The following ATRX variants were observed in gnomAD, a reference collection of about 807,000 sequenced individuals.
ATRX encodes chromatin remodeler ATRX.
Under a neutral mutation model 172.6 loss-of-function variants are expected in ATRX, and 12 were observed. The ratio of observed to expected loss-of-function variants is 0.07; its 90% CI spans 0.04 to 0.11. The LOEUF is 0.11. ATRX is among the 10% of genes least tolerant of loss of function. ATRX has a pLI of 1.00. For synonymous variants in ATRX, 674 were observed against 594.7 expected, an observed-to-expected ratio of 1.13 and a Z score of -1.94; for missense variants, 1,368 against 1,767.4, an observed-to-expected ratio of 0.77 and a Z score of 4.05.
intron 6 of ATRX, among the ~76,000 whole-genome samples, chrX:77,692,008 T>A (rs782306310): frequency 8.9e-6 from 1 of 111,856 alleles, no homozygotes; most frequent in Non-Finnish European, 1.9e-5. Context: ...CTGAAACTTA[T>A]CAGCTGAGAC....
intron 15 of ATRX, among the ~76,000 whole-genome samples, chrX:77,645,701 ACTTT>A (rs1471484319): frequency 8.9e-5 from 10 of 112,354 alleles, no homozygotes; most frequent in Non-Finnish European, 1.7e-4. Context: ...CTCACTTTTT[ACTTT>A]CTTTAGGATT....
chrX:77,593,240 A>G (rs1194086792), intron 26 of ATRX, among the ~76,000 whole-genome samples: 1 of 109,265 alleles, frequency 9.2e-6, no homozygotes, highest in Non-Finnish European at 1.9e-5. Flanking sequence ...AAAAAAAAAA[A>G]AAAAAGAAGA....
intron 1 of ATRX, among the ~76,000 whole-genome samples, chrX:77,783,067 C>G (rs1025346738): frequency 9.0e-6 from 1 of 110,816 alleles, no homozygotes; most frequent in African/African-American, 3.3e-5. Flanking sequence ...AACTCCCTCT[C>G]TACTAAAAAT....
intron 1 of ATRX, among the ~76,000 whole-genome samples, chrX:77,784,656 A>G (rs1224261173): frequency 9.0e-6 from 1 of 110,768 alleles, no homozygotes; most frequent in Non-Finnish European, 1.9e-5. Context: ...TCAGAAACCA[A>G]GGCCACAATC....
intron 30 of ATRX, among the ~76,000 whole-genome samples, chrX:77,545,494 G>T (rs1279162196): frequency 1.8e-5 from 2 of 111,001 alleles, no homozygotes; most frequent in Non-Finnish European, 3.8e-5. Flanking sequence ...ACAAATTTAA[G>T]AGTCTAAATG....
At chrX:77,635,182 G>C (rs1414652117) in intron 16 of ATRX, among the ~76,000 whole-genome samples, 1 of 111,238 alleles carries the variant, frequency 9.0e-6, no homozygotes, top group Non-Finnish European at 1.9e-5. Context: ...ATACTCAGGA[G>C]GCTGAGTTGG....
intron 1 of ATRX, among the ~76,000 whole-genome samples, chrX:77,738,237 A>G (rs1557180090): frequency 9.4e-6 from 1 of 106,733 alleles, no homozygotes. Flanking sequence ...CAGGAGGCTG[A>G]GGTGGGAAGA....
intron 4 of ATRX, 146 bp downstream of exon 4, chrX:77,697,437 T>C (rs1300012675): frequency 2.0e-6 from 1 of 489,813 alleles, no homozygotes; most frequent in Non-Finnish European, 3.4e-6. Flanking sequence ...CATTATATTA[T>C]GCTAATCATT....
At chrX:77,766,600 C>T (rs1251084578) in intron 1 of ATRX, among the ~76,000 whole-genome samples, 3 of 104,344 alleles carry the variant, frequency 2.9e-5, no homozygotes, top group Admixed American at 2.0e-4. Context: ...GGGGCAGAGG[C>T]GCTCCCCACA....
chrX:77,725,954 A>T (rs782708787), intron 1 of ATRX, among the ~76,000 whole-genome samples: 141 of 112,213 alleles, frequency 1.3e-3, no homozygotes, highest in African/African-American at 4.4e-3. Flanking sequence ...AATGGCGATC[A>T]TTAAAAAGTC....
intron 22 of ATRX, among the ~76,000 whole-genome samples, chrX:77,615,523 AT>A (rs1557096249): frequency 9.0e-6 from 1 of 111,653 alleles, no homozygotes; most frequent in East Asian, 2.8e-4. Flanking sequence ...TATGCCTGCA[AT>A]TTTTATTATT....
At chrX:77,757,033 G>T (rs547661318) in intron 1 of ATRX, among the ~76,000 whole-genome samples, 2 of 111,153 alleles carry the variant, frequency 1.8e-5, no homozygotes, top group African/African-American at 6.5e-5. Flanking sequence ...TGATCCATCC[G>T]CTTCAACTTC....
At chrX:77,591,596 T>C (rs1383885861) in intron 26 of ATRX, among the ~76,000 whole-genome samples, 1 of 110,959 alleles carries the variant, frequency 9.0e-6, no homozygotes, top group Non-Finnish European at 1.9e-5. Flanking sequence ...ATTGTATGAC[T>C]TCCTGAGCTC....
intron 27 of ATRX, among the ~76,000 whole-genome samples, chrX:77,587,026 G>C (rs1319433064): frequency 9.2e-6 from 1 of 108,840 alleles, no homozygotes; most frequent in East Asian, 2.9e-4. Context: ...CTGCACTTCA[G>C]CTTGGGTGAC....
At chrX:77,658,766 G>A (rs782690912) in intron 12 of ATRX, among the ~76,000 whole-genome samples, 1 of 111,244 alleles carries the variant, frequency 9.0e-6, no homozygotes, top group Non-Finnish European at 1.9e-5. Context: ...GTAAACCCCC[G>A]GCTTAGTTGA....
intron 22 of ATRX, among the ~76,000 whole-genome samples, chrX:77,603,349 G>A (rs992299167): frequency 3.0e-4 from 33 of 109,980 alleles, no homozygotes; most frequent in South Asian, 1.2e-3. Flanking sequence ...GGGTAGTATG[G>A]TCATTTTAAT....
intron 22 of ATRX, among the ~76,000 whole-genome samples, chrX:77,615,285 C>CA (rs1557096149): frequency 9.0e-6 from 1 of 111,508 alleles, no homozygotes; most frequent in Non-Finnish European, 1.9e-5. Context: ...AGGCATGAAC[C>CA]ACCATGCTCA....
At chrX:77,697,656 T>C (rs782394162) in intron 3 of ATRX, 21 bp from the exon 4 acceptor site, 3 of 1,184,821 alleles carry the variant, frequency 2.5e-6, no homozygotes, top group African/African-American at 3.5e-5. Context: ...GACATAAATA[T>C]AAAAGTGAAT....
intron 34 of ATRX, among the ~76,000 whole-genome samples, chrX:77,520,234 G>T (rs1557040742): frequency 9.0e-6 from 1 of 111,227 alleles, no homozygotes; most frequent in East Asian, 2.8e-4. Flanking sequence ...ATAAGATCTA[G>T]TATTTGATAC....
Sources: gnomAD v4.1 joint callset for allele counts (sites outside exome capture counted in the v4.1 genomes callset) on GRCh38, gnomAD v4.1.1 for gene constraint, MANE v1.5 for transcripts, NCBI Gene and HGNC (gene_info 2026-07-23, HGNC 2026-07-21) for gene names.